The following NALF1 variants were observed in gnomAD, a reference collection of about 807,000 sequenced individuals.
NALF1 encodes the protein family with sequence similarity 155 member A.
A neutral mutation model predicts 48.4 loss-of-function variants in NALF1; 3 were observed. That is an observed-to-expected ratio of 0.06 (90% CI 0.03 to 0.16). The LOEUF is 0.16. Ranked by LOEUF, NALF1 falls within the 10% of genes least tolerant of loss-of-function variation. The probability of loss-of-function intolerance (pLI) is 1.00; values close to 1 mark genes in which losing one functional copy is unlikely to be tolerated. For synonymous variants in NALF1, 262 were observed against 245.7 expected (o/e 1.07, Z -0.62); for missense variants, 526 against 571.5 (o/e 0.92, Z 0.81).
chr13:107,416,513 T>C (rs1884092017), intron 1 of NALF1, among the ~76,000 whole-genome samples: 1 of 152,172 alleles, frequency 6.6e-6, no homozygotes, highest in Admixed American at 6.5e-5. Flanking sequence ...TCCACTTAAA[T>C]AATAGTAAAT....
intron 1 of NALF1, among the ~76,000 whole-genome samples, chr13:107,809,335 T>C (rs1878914305): frequency 6.6e-6 from 1 of 152,094 alleles, no homozygotes; most frequent in South Asian, 2.1e-4. Context: ...TTGCTTTCTT[T>C]CCAATGATGT....
intron 1 of NALF1, among the ~76,000 whole-genome samples, chr13:107,253,925 A>G (rs1455283430): frequency 6.6e-6 from 1 of 152,052 alleles, no homozygotes; most frequent in Admixed American, 6.6e-5. Flanking sequence ...GTACGATGTA[A>G]TCATGGACTT....
At chr13:107,233,036 C>T (rs775173680) in intron 1 of NALF1, among the ~76,000 whole-genome samples, 3 of 152,326 alleles carry the variant, frequency 2.0e-5, no homozygotes, top group Middle Eastern at 3.4e-3. Flanking sequence ...ATATTCTTTT[C>T]TGACCGGCTG....
intron 1 of NALF1, among the ~76,000 whole-genome samples, chr13:107,656,484 C>A (rs1224755522): frequency 1.3e-5 from 2 of 151,934 alleles, no homozygotes; most frequent in Admixed American, 6.6e-5. Flanking sequence ...GCAAGAATGG[C>A]CATAATCAAA....
At chr13:107,680,719 G>A (rs1197819617) in intron 1 of NALF1, among the ~76,000 whole-genome samples, 1 of 142,022 alleles carries the variant, frequency 7.0e-6, no homozygotes, top group Admixed American at 7.4e-5. Context: ...GGTGGGTGGT[G>A]TGAGAGTGTA....
chr13:107,708,679 A>T (rs1875475194), intron 1 of NALF1, among the ~76,000 whole-genome samples: 1 of 151,098 alleles, frequency 6.6e-6, no homozygotes, highest in Non-Finnish European at 1.5e-5. Flanking sequence ...GACATAACCA[A>T]TTTAACACCA....
chr13:107,469,731 A>ATTTTTTTTTTT (rs1566355590), intron 1 of NALF1, among the ~76,000 whole-genome samples: 1 of 99,860 alleles, frequency 1.0e-5, no homozygotes, highest in Non-Finnish European at 2.0e-5. Flanking sequence ...TCAACTGTGT[A>ATTTTTTTTTTT]TCTTTTTTTT....
intron 1 of NALF1, among the ~76,000 whole-genome samples, chr13:107,334,864 C>T (rs536552755): frequency 1.3e-5 from 2 of 152,092 alleles, no homozygotes; most frequent in African/African-American, 2.4e-5. Flanking sequence ...GTTGATGGTG[C>T]TTTGTCTTGC....
At chr13:107,542,026 G>C (rs1877013582) in intron 1 of NALF1, among the ~76,000 whole-genome samples, 1 of 151,982 alleles carries the variant, frequency 6.6e-6, no homozygotes, top group African/African-American at 2.4e-5. Flanking sequence ...TGCCTGGATG[G>C]TCCCTGAAGG....
chr13:107,360,499 T>C (rs545885350), intron 1 of NALF1, among the ~76,000 whole-genome samples: 1 of 152,220 alleles, frequency 6.6e-6, no homozygotes, highest in South Asian at 2.1e-4. Context: ...TTATGAAAAA[T>C]TTCAAATATA....
At chr13:107,661,679 T>C (rs1400301278) in intron 1 of NALF1, among the ~76,000 whole-genome samples, 1 of 152,166 alleles carries the variant, frequency 6.6e-6, no homozygotes, top group East Asian at 1.9e-4. Context: ...CATCTCACAG[T>C]TTGAGATAAC....
At chr13:107,857,078 CCT>C (rs1288607796) in intron 1 of NALF1, among the ~76,000 whole-genome samples, 2 of 152,168 alleles carry the variant, frequency 1.3e-5, no homozygotes, top group African/African-American at 4.8e-5. Context: ...GCTGTGTCTC[CCT>C]GTGTCTTCTC....
intron 1 of NALF1, among the ~76,000 whole-genome samples, chr13:107,853,976 A>G (rs547253234): frequency 1.3e-5 from 2 of 152,340 alleles, no homozygotes; most frequent in East Asian, 3.9e-4. Flanking sequence ...AATCATCTTA[A>G]AGAGCTAATT....
At chr13:107,818,643 C>T (rs956281590) in intron 1 of NALF1, among the ~76,000 whole-genome samples, 1 of 112,206 alleles carries the variant, frequency 8.9e-6, no homozygotes, top group Non-Finnish European at 1.8e-5. Flanking sequence ...GAGGCCGAGG[C>T]GGGCGGATCA....
intron 1 of NALF1, among the ~76,000 whole-genome samples, chr13:107,388,055 C>T (rs1178539233): frequency 1.3e-5 from 2 of 152,192 alleles, no homozygotes; most frequent in Non-Finnish European, 2.9e-5. Flanking sequence ...CAGCCTCTGT[C>T]CATTGCCTTT....
At chr13:107,505,841 T>G (rs1445096017) in intron 1 of NALF1, among the ~76,000 whole-genome samples, 1 of 152,202 alleles carries the variant, frequency 6.6e-6, no homozygotes. Flanking sequence ...ATTTTAGTCT[T>G]ATTATCTCCA....
intron 1 of NALF1, among the ~76,000 whole-genome samples, chr13:107,629,291 A>C (rs538916043): frequency 1.3e-5 from 2 of 152,264 alleles, no homozygotes; most frequent in East Asian, 3.9e-4. Context: ...TTCTGTTCTC[A>C]CCCACTGTAC....
intron 1 of NALF1, among the ~76,000 whole-genome samples, chr13:107,825,614 A>C (rs555107730): frequency 6.6e-6 from 1 of 152,346 alleles, no homozygotes; most frequent in Admixed American, 6.5e-5. Flanking sequence ...AAAATAAATA[A>C]ATTCCTGTAC....
chr13:107,857,537 G>C lies in NALF1; in HGVS notation c.915+8145C>G, dbSNP rs528751948. On this transcript the variant is annotated intron_variant, in intron 1 of 2. Transcript: ENST00000375915. Reference sequence around the variant, plus strand: ...AAAGGCTGTGAACCAAAGTGTTCAAGGCCTTTGGTTACGCACCTATCAGGA... The same window carrying C: ...AAAGGCTGTGAACCAAAGTGTTCAACGCCTTTGGTTACGCACCTATCAGGA... Among the ~76,000 whole-genome samples the C allele has an allele frequency of 3.9e-5, 6 of 152,270 alleles. No homozygotes were observed. In the East Asian group the frequency reaches 1.2e-3, roughly 29 times the overall value.
Sources: allele counts gnomAD v4.1 joint callset (sites outside exome capture counted in the v4.1 genomes callset), GRCh38; gene constraint gnomAD v4.1.1; transcripts MANE v1.5; gene names NCBI Gene and HGNC (gene_info 2026-07-23, HGNC 2026-07-21).